JARID2: variants seen among roughly 807,000 people sequenced by gnomAD.
JARID2 encodes the protein protein Jumonji.
JARID2 carries 21 observed loss-of-function variants against 125.6 expected under a neutral mutation model. The ratio of observed to expected loss-of-function variants is 0.17; its 90% CI spans 0.12 to 0.24. The LOEUF is 0.24. JARID2 is among the 10% of genes least tolerant of loss of function. The pLI is 1.00. For synonymous variants in JARID2, 736 were observed against 661.6 expected (o/e 1.11, Z -1.73); for missense variants, 1,303 against 1,639.6 (o/e 0.79, Z 3.55).
intron 6 of JARID2, among the ~76,000 whole-genome samples, chr6:15,495,730 A>G (rs1770382132): frequency 6.6e-6 from 1 of 152,176 alleles, no homozygotes; most frequent in South Asian, 2.1e-4. Context: ...TCCCCCAAGG[A>G]AGCAGGATCT....
At chr6:15,356,190 C>T (rs1763594578) in intron 1 of JARID2, among the ~76,000 whole-genome samples, 2 of 152,084 alleles carry the variant, frequency 1.3e-5, no homozygotes, top group Admixed American at 6.6e-5. Flanking sequence ...TGCCATATTT[C>T]GTTCATTTAT....
Position 15,269,132 on chromosome 6 carries a change from C to T in JARID2, c.45+22548C>T, listed in dbSNP as rs371147082. Among the ~76,000 whole-genome samples the T allele has an allele frequency of 1.8e-4, 27 of 152,170 alleles. No individual in the cohort carries two copies. In the South Asian group the frequency reaches 5.0e-3, roughly 28 times the overall value. On this transcript the variant is annotated intron_variant, in intron 1 of 17. Transcript: ENST00000341776. The stretch of plus-strand genomic sequence containing the variant: ...TGCTTGCCAGTGGTGAGGTAGTTGC[C>T]CCTTTCTTGAGGGAGGAGGAAAACC...
intron 2 of JARID2, among the ~76,000 whole-genome samples, chr6:15,377,611 A>G (rs1378463795): frequency 1.3e-5 from 2 of 152,112 alleles, no homozygotes; most frequent in African/African-American, 2.4e-5. Context: ...GATTACAGGC[A>G]TGCACCACCA....
chr6:15,291,371 C>T (rs1761207150), intron 1 of JARID2, among the ~76,000 whole-genome samples: 2 of 152,124 alleles, frequency 1.3e-5, no homozygotes, highest in Non-Finnish European at 1.5e-5. Flanking sequence ...CAAAAAAATC[C>T]CTCACTTTTC....
chr6:15,429,272 T>C (rs2127597581), intron 3 of JARID2, among the ~76,000 whole-genome samples: 1 of 152,154 alleles, frequency 6.6e-6, no homozygotes, highest in South Asian at 2.1e-4. Flanking sequence ...TGTTCTTTTT[T>C]TTTTTTGAGG....
intron 1 of JARID2, among the ~76,000 whole-genome samples, chr6:15,329,886 TA>T (rs1376456748): frequency 1.3e-5 from 2 of 152,186 alleles, no homozygotes; most frequent in African/African-American, 2.4e-5. Flanking sequence ...CCTGATGATT[TA>T]AAAAACATAT....
chr6:15,353,917 T>C (rs1368577724), intron 1 of JARID2, among the ~76,000 whole-genome samples: 1 of 152,090 alleles, frequency 6.6e-6, no homozygotes, highest in Non-Finnish European at 1.5e-5. Context: ...TAAAAACAAA[T>C]GGGGAAAAAA....
chr6:15,469,136 A>G (rs1257110087), intron 5 of JARID2, among the ~76,000 whole-genome samples: 2 of 151,804 alleles, frequency 1.3e-5, no homozygotes, highest in Non-Finnish European at 2.9e-5. Context: ...AAGTGGACTG[A>G]TTTTCCCCTT....
chr6:15,269,757 C>T (rs911300170), intron 1 of JARID2, among the ~76,000 whole-genome samples: 1 of 151,948 alleles, frequency 6.6e-6, no homozygotes, highest in African/African-American at 2.4e-5. Flanking sequence ...AATATCCAGG[C>T]AGTGTTTATG....
chr6:15,297,203 T>C lies in JARID2; in HGVS notation c.45+50619T>C, dbSNP rs970004125. ...TCTCACTCTGTTGCCCAGGCTGGAG[T>C]GCAGTGGTGTGATCTTGGCTCACTG... On this transcript the variant is annotated intron_variant, in intron 1 of 17. Coordinates refer to ENST00000341776, the MANE Select transcript of JARID2 (RefSeq NM_004973.4). 4.6e-5 allele frequency among the ~76,000 whole-genome samples: 7 copies of C among 152,316 alleles called. 1 individual carries two copies. In the East Asian group the frequency reaches 1.3e-3, roughly 29 times the overall value.
chr6:15,507,141 G>A lies in JARID2; in HGVS notation c.2547G>A (p.Glu849=). 1 of 1,602,638 alleles carries A rather than the reference G, an allele frequency of 6.2e-7. No homozygotes were observed. Among genetic ancestry groups the A allele is most frequent in the Non-Finnish European group, 8.6e-7 (1 of 1,169,512 alleles). The part of the protein sequence containing the change: ...KEPAPAEIEQ[E]YWRLVEEKDC... ...CCCTTTCCTGTTCCCTGCAGCAAGA[G>A]TACTGGAGGCTAGTGGAAGAGAAGG... The change falls in exon 10 of 18, where the codon GAG becomes GAA. Residue 849 remains glutamate, a synonymous_variant. Transcript: ENST00000341776.
chr6:15,397,159 A>G (rs1176240846), intron 2 of JARID2, among the ~76,000 whole-genome samples: 1 of 152,226 alleles, frequency 6.6e-6, no homozygotes, highest in Non-Finnish European at 1.5e-5. Context: ...TTATTACTAT[A>G]CTGCTGTCAC....
chr6:15,271,874 C>T (rs1760310765), intron 1 of JARID2, among the ~76,000 whole-genome samples: 1 of 152,188 alleles, frequency 6.6e-6, no homozygotes, highest in Admixed American at 6.6e-5. Flanking sequence ...GTGGTGTGTG[C>T]CTGTAATCCC....
intron 1 of JARID2, among the ~76,000 whole-genome samples, chr6:15,283,240 A>G (rs1280084129): frequency 6.6e-6 from 1 of 150,428 alleles, no homozygotes; most frequent in Non-Finnish European, 1.5e-5. Context: ...GGCCTCCCAA[A>G]GTGCTGGGAT....
intron 3 of JARID2, among the ~76,000 whole-genome samples, chr6:15,439,473 T>C (rs1767357245): frequency 6.6e-6 from 1 of 152,144 alleles, no homozygotes; most frequent in East Asian, 1.9e-4. Context: ...GAACCTACGA[T>C]GGATATGTGG....
At position 15,460,089 on chromosome 6, in the gene JARID2, C is replaced by CT. The variant is rs759707714; in HGVS notation, c.493+7916dup. Reference sequence around the variant, plus strand: ...TCACTGCCTAGGGGCTTTCAGTGGCCTTAACGTTCTGCATATGCTTGGTTT... The same window carrying CT: ...TCACTGCCTAGGGGCTTTCAGTGGCCTTTAACGTTCTGCATATGCTTGGTTT... On this transcript the variant is annotated intron_variant, in intron 4 of 17. Transcript: ENST00000341776. Among the ~76,000 whole-genome samples the CT allele has an allele frequency of 7.9e-5, 12 of 152,236 alleles. No homozygotes were observed. The East Asian group carries it at 1.2e-3, about 15-fold the overall frequency.
chr6:15,374,378 C>T, intron 2 of JARID2, 126 bp downstream of exon 2: 2 of 908,242 alleles, frequency 2.2e-6, no homozygotes, highest in Non-Finnish European at 3.4e-6. Context: ...AGTCTGTAGG[C>T]TAGGTGAATC....
intron 1 of JARID2, 97 bp from the exon 2 acceptor site, chr6:15,374,020 C>T (rs1392338154): frequency 5.8e-6 from 8 of 1,390,462 alleles, no homozygotes; most frequent in Admixed American, 1.9e-5. Flanking sequence ...TCACACAGTA[C>T]GTGTTCGGAA....
chr6:15,376,604 G>T (rs564526285), intron 2 of JARID2, among the ~76,000 whole-genome samples: 1 of 152,140 alleles, frequency 6.6e-6, no homozygotes, highest in African/African-American at 2.4e-5. Flanking sequence ...CATGCCTCTG[G>T]TCCCAGCTAG....
Sources: allele counts gnomAD v4.1 joint callset (sites outside exome capture counted in the v4.1 genomes callset), GRCh38; gene constraint gnomAD v4.1.1; transcripts MANE v1.5; gene names NCBI Gene and HGNC (gene_info 2026-07-23, HGNC 2026-07-21).